HYCC1: variants seen among roughly 807,000 people sequenced by gnomAD.
The protein encoded by HYCC1 is hyccin.
chr7:22,951,465 A>G, the HYCC1 span, among the ~76,000 whole-genome samples: 1 of 151,912 alleles, frequency 6.6e-6, no homozygotes, highest in Non-Finnish European at 1.5e-5. Flanking sequence ...TGCATCATAC[A>G]ATTTTTTACA....
At chr7:22,973,382 G>A in the HYCC1 span, among the ~76,000 whole-genome samples, 1 of 152,076 alleles carries the variant, frequency 6.6e-6, no homozygotes, top group Non-Finnish European at 1.5e-5. Context: ...AAAGCCAGTA[G>A]GTAAGAGAAA....
the HYCC1 span, among the ~76,000 whole-genome samples, chr7:22,999,122 C>G: frequency 7.9e-5 from 12 of 152,242 alleles, no homozygotes; most frequent in Non-Finnish European, 1.3e-4. Context: ...CTGATTGATG[C>G]AGATAATCTT....
the HYCC1 span, among the ~76,000 whole-genome samples, chr7:22,979,141 C>T: frequency 1.3e-5 from 2 of 152,076 alleles, no homozygotes; most frequent in Non-Finnish European, 2.9e-5. Context: ...CCTAAGGCAA[C>T]AAATTTAAAT....
At chr7:22,914,265 G>C in the HYCC1 span, among the ~76,000 whole-genome samples, 1 of 152,156 alleles carries the variant, frequency 6.6e-6, no homozygotes, top group Non-Finnish European at 1.5e-5. Context: ...GTCAATTGCG[G>C]GGACGCCCGC....
the HYCC1 span, among the ~76,000 whole-genome samples, chr7:22,923,583 A>G: frequency 6.6e-6 from 1 of 152,126 alleles, no homozygotes; most frequent in East Asian, 1.9e-4. Flanking sequence ...GAAATAGAAA[A>G]ATGAGAGAAA....
At chr7:22,957,857 G>C in the HYCC1 span, among the ~76,000 whole-genome samples, 1 of 151,986 alleles carries the variant, frequency 6.6e-6, no homozygotes, top group Non-Finnish European at 1.5e-5. Context: ...TAAAAAGGCT[G>C]TTGTGGCTCA....
chr7:22,977,468 A>C, the HYCC1 span: 1 of 1,084,192 alleles, frequency 9.2e-7, no homozygotes, highest in Non-Finnish European at 1.4e-6. Flanking sequence ...TTTCTTACAC[A>C]CAAATTTACA....
chr7:22,905,386 A>ATT, the HYCC1 span, among the ~76,000 whole-genome samples: 994 of 44,468 alleles, frequency 0.022, 151 homozygotes, highest in African/African-American at 0.061. Context: ...CTAATTTTGT[A>ATT]TTTTTTTTTT....
At chr7:22,916,970 C>T in the HYCC1 span, among the ~76,000 whole-genome samples, 1 of 152,200 alleles carries the variant, frequency 6.6e-6, no homozygotes, top group African/African-American at 2.4e-5. Flanking sequence ...CACAAGGGTC[C>T]TCCATCATTA....
the HYCC1 span, among the ~76,000 whole-genome samples, chr7:22,968,386 A>G: frequency 6.6e-6 from 1 of 152,232 alleles, no homozygotes; most frequent in Non-Finnish European, 1.5e-5. Flanking sequence ...GGGCAATACC[A>G]TAGGAAATGG....
the HYCC1 span, among the ~76,000 whole-genome samples, chr7:23,003,423 C>A: frequency 6.6e-6 from 1 of 151,710 alleles, no homozygotes; most frequent in African/African-American, 2.4e-5. Flanking sequence ...AGAATATAAA[C>A]AATAAAATAA....
chr7:22,952,303 C>T, the HYCC1 span, among the ~76,000 whole-genome samples: 1 of 151,898 alleles, frequency 6.6e-6, no homozygotes, highest in Non-Finnish European at 1.5e-5. Context: ...CTGGGAAAAC[C>T]TCTTTGAAGA....
the HYCC1 span, among the ~76,000 whole-genome samples, chr7:22,933,065 G>C: frequency 6.6e-6 from 1 of 152,258 alleles, no homozygotes; most frequent in Non-Finnish European, 1.5e-5. Flanking sequence ...AGATTTTTTA[G>C]AGCCTTCAAA....
At chr7:22,992,815 A>G in the HYCC1 span, among the ~76,000 whole-genome samples, 1 of 152,162 alleles carries the variant, frequency 6.6e-6, no homozygotes, top group Admixed American at 6.5e-5. Flanking sequence ...ATGGGGAGGT[A>G]AAATTTTTAC....
At chr7:22,900,966 T>C in the HYCC1 span, among the ~76,000 whole-genome samples, 2 of 152,088 alleles carry the variant, frequency 1.3e-5, no homozygotes, top group Admixed American at 6.6e-5. Context: ...GGTTCATGCC[T>C]GTAAGCAATT....
At chr7:22,935,993 C>G in the HYCC1 span, 1 of 147,532 alleles carries the variant, frequency 6.8e-6, no homozygotes, top group Non-Finnish European at 1.5e-5. Context: ...ATCTAGTTGC[C>G]AATGGGAATT....
At chr7:22,995,030 T>C in the HYCC1 span, among the ~76,000 whole-genome samples, 1 of 152,292 alleles carries the variant, frequency 6.6e-6, no homozygotes, top group Admixed American at 6.5e-5. Context: ...TCTTCAAATG[T>C]TGCTTTCTTC....
At chr7:22,976,355 T>A in the HYCC1 span, 1 of 1,340,958 alleles carries the variant, frequency 7.5e-7, no homozygotes, top group Middle Eastern at 1.8e-4. Context: ...TTCTAAGAAG[T>A]CAACTATAAT....
the HYCC1 span, among the ~76,000 whole-genome samples, chr7:22,897,697 C>T: frequency 6.6e-6 from 1 of 151,868 alleles, no homozygotes; most frequent in African/African-American, 2.4e-5. Flanking sequence ...GTGAGCTCCT[C>T]CTGGGCTCAA....
Sources: gnomAD v4.1 joint callset for allele counts (sites outside exome capture counted in the v4.1 genomes callset) on GRCh38, gnomAD v4.1.1 for gene constraint, MANE v1.5 for transcripts, NCBI Gene and HGNC (gene_info 2026-07-23, HGNC 2026-07-21) for gene names.